The following PRKAG2 variants were observed in gnomAD, a reference collection of about 807,000 sequenced individuals.
The protein encoded by PRKAG2 is protein kinase AMP-activated non-catalytic subunit gamma 2.
Under a neutral mutation model 69.6 loss-of-function variants are expected in PRKAG2, and 26 were observed. The ratio of observed to expected loss-of-function variants is 0.37; its 90% confidence interval spans 0.27 to 0.52. The LOEUF (loss-of-function observed/expected upper bound fraction) is 0.52. Among genes scored for constraint, PRKAG2 ranks in the 20% least tolerant of loss-of-function variants. PRKAG2 has a pLI of 0.90. For missense variants in PRKAG2, 557 were observed against 740.0 expected, an observed-to-expected ratio of 0.75 and a Z score of 2.87; for synonymous variants, 293 against 285.0, an observed-to-expected ratio of 1.03 and a Z score of -0.28.
intron 3 of PRKAG2, among the ~76,000 whole-genome samples, chr7:151,709,672 T>C (rs1415338188): frequency 4.6e-5 from 7 of 152,114 alleles, no homozygotes; most frequent in African/African-American, 2.4e-5. Context: ...GAATGACACA[T>C]GTGACATTGT....
rs1041799706 is a variant in PRKAG2 at position 151,777,145 on chromosome 7, C to G, written c.466+4007G>C. Among the ~76,000 whole-genome samples, 15 of 152,280 alleles carry G rather than the reference C, an allele frequency of 9.9e-5. No individual in the cohort carries two copies. Among genetic ancestry groups the G allele is most frequent in the Admixed American group, 3.3e-4 (5 of 15,296 alleles). ...GTCTGGGAGCTTCCTCCTGTGCAGACCACAGGCCCCAATGGAAGGGGCCAT... is the reference window on the plus strand; with the variant it reads ...GTCTGGGAGCTTCCTCCTGTGCAGAGCACAGGCCCCAATGGAAGGGGCCAT... On this transcript the variant is annotated intron_variant, in intron 3 of 15. Transcript: ENST00000287878. The surrounding 1 kb of genome is among the most constrained non-coding windows in gnomAD (Gnocchi z 4.3).
chr7:151,595,880 T>C (rs1814369351), intron 5 of PRKAG2, among the ~76,000 whole-genome samples: 2 of 152,230 alleles, frequency 1.3e-5, no homozygotes, highest in South Asian at 4.1e-4. Context: ...CTTCAAGATC[T>C]GGAACAAGGC....
chr7:151,564,982 C>T (rs1805902928), intron 13 of PRKAG2, among the ~76,000 whole-genome samples: 1 of 152,030 alleles, frequency 6.6e-6, no homozygotes, highest in African/African-American at 2.4e-5. Flanking sequence ...ATGGGATGCG[C>T]CCGACAAAGG....
chr7:151,642,554 T>C (rs549448547), intron 4 of PRKAG2, among the ~76,000 whole-genome samples: 1 of 152,346 alleles, frequency 6.6e-6, no homozygotes, highest in South Asian at 2.1e-4. Context: ...GTATTAATTC[T>C]GCTGATTGCT....
intron 3 of PRKAG2, among the ~76,000 whole-genome samples, chr7:151,738,289 C>A (rs199888285): frequency 4.2e-5 from 4 of 96,324 alleles, no homozygotes; most frequent in East Asian, 5.5e-4. Context: ...TCCCACGGGG[C>A]CTCCATCCAC....
At chr7:151,691,269 G>A (rs191840101) in intron 3 of PRKAG2, among the ~76,000 whole-genome samples, 1 of 152,170 alleles carries the variant, frequency 6.6e-6, no homozygotes, top group Admixed American at 6.5e-5. Flanking sequence ...ATTATGCTGT[G>A]TTGGTTTTTC....
At chr7:151,637,212 C>T (rs1825881233) in intron 4 of PRKAG2, among the ~76,000 whole-genome samples, 1 of 152,158 alleles carries the variant, frequency 6.6e-6, no homozygotes, top group Non-Finnish European at 1.5e-5. Context: ...ACAATTATCT[C>T]AAAATAAAAA....
At chr7:151,830,714 C>T (rs1355342866) in intron 1 of PRKAG2, among the ~76,000 whole-genome samples, 3 of 143,100 alleles carry the variant, frequency 2.1e-5, no homozygotes, top group Non-Finnish European at 4.5e-5. Context: ...GGATGGTGGA[C>T]AGCTGAGGCT....
At chr7:151,751,673 T>TTTTGTTTGTTTG (rs58075222) in intron 3 of PRKAG2, among the ~76,000 whole-genome samples, 6 of 149,454 alleles carry the variant, frequency 4.0e-5, no homozygotes, top group Admixed American at 2.0e-4. Context: ...GCCCAGCTAT[T>TTTTGTTTGTTTG]TTTGTTTGTT....
At chr7:151,800,224 G>C (rs1007750182) in intron 1 of PRKAG2, among the ~76,000 whole-genome samples, 3 of 152,072 alleles carry the variant, frequency 2.0e-5, no homozygotes, top group Non-Finnish European at 2.9e-5. Context: ...CAGGTGTGGT[G>C]GCGGGCACCT....
intron 6 of PRKAG2, among the ~76,000 whole-genome samples, chr7:151,580,165 G>GA (rs952165745): frequency 3.0e-4 from 46 of 152,174 alleles, no homozygotes; most frequent in Non-Finnish European, 6.0e-4. Flanking sequence ...CCAACGTGAT[G>GA]AAAAAACCCC....
intron 1 of PRKAG2, among the ~76,000 whole-genome samples, chr7:151,859,255 G>A (rs1000145858): frequency 3.9e-5 from 6 of 152,252 alleles, no homozygotes; most frequent in African/African-American, 7.2e-5. Context: ...GGGGAACGGC[G>A]TCAGACGGGG....
At chr7:151,702,756 G>A (rs560194339) in intron 3 of PRKAG2, among the ~76,000 whole-genome samples, 1 of 152,198 alleles carries the variant, frequency 6.6e-6, no homozygotes, top group South Asian at 2.1e-4. Context: ...GTGAAGGCCT[G>A]GGGGGCACAG....
At chr7:151,582,896 G>C (rs982874673) in intron 6 of PRKAG2, among the ~76,000 whole-genome samples, 1 of 152,244 alleles carries the variant, frequency 6.6e-6, no homozygotes, top group Non-Finnish European at 1.5e-5. Context: ...CACAGGTGTA[G>C]GGTGTGGATT....
intron 3 of PRKAG2, among the ~76,000 whole-genome samples, chr7:151,762,989 A>G (rs1376174290): frequency 6.6e-6 from 1 of 152,228 alleles, no homozygotes; most frequent in Non-Finnish European, 1.5e-5. Flanking sequence ...AAAAGCCAGC[A>G]CTAGAGATGG....
chr7:151,651,736 C>T (rs1051259989), intron 4 of PRKAG2, among the ~76,000 whole-genome samples: 2 of 152,220 alleles, frequency 1.3e-5, no homozygotes, highest in African/African-American at 4.8e-5. Context: ...CTTCAAGAAA[C>T]TACCACTTGT....
intron 4 of PRKAG2, among the ~76,000 whole-genome samples, chr7:151,648,912 T>C (rs1828001674): frequency 6.6e-6 from 1 of 151,354 alleles, no homozygotes; most frequent in East Asian, 1.9e-4. Context: ...GGATTTTTTT[T>C]TTTTCCTTTT....
Position 151,632,487 on chromosome 7 carries a change from G to T in PRKAG2, c.685-349C>A. On this transcript the variant is annotated intron_variant, in intron 4 of 15. Transcript: ENST00000287878. The surrounding 1 kb of genome is among the most constrained non-coding windows in gnomAD (Gnocchi z 4.2). ...GCCTGGGCCCGGGGCGCCCCCCTCC[G>T]GCCGTGGCCCGCGTCCTCCCCGCCG... The T allele has an allele frequency of 2.4e-6, 2 of 844,978 alleles. No homozygotes were observed. The highest frequency in any genetic ancestry group is 2.8e-6 in the Non-Finnish European group (2 of 702,388). The allele number at this position is 844,978 out of a possible 1,614,324, so 52.3% of individuals were successfully genotyped here. A position where few individuals can be genotyped will look rare whatever the true frequency, so the allele number is the denominator to read the frequency against.
At chr7:151,686,196 C>T (rs955787705) in intron 3 of PRKAG2, among the ~76,000 whole-genome samples, 29 of 152,122 alleles carry the variant, frequency 1.9e-4, no homozygotes, top group African/African-American at 6.0e-4. Context: ...AGATCCTGAC[C>T]GATGGGGCCA....
Sources: gnomAD v4.1 joint callset for allele counts (sites outside exome capture counted in the v4.1 genomes callset) on GRCh38, gnomAD v4.1.1 for gene constraint, Gnocchi (gnomAD v3.1) non-coding constraint, MANE v1.5 for transcripts, NCBI Gene and HGNC (gene_info 2026-07-23, HGNC 2026-07-21) for gene names.